The following PCDHGA1 variants were observed in gnomAD, a reference collection of about 807,000 sequenced individuals.
PCDHGA1 encodes protocadherin gamma-A1.
PCDHGA1 carries 32 observed loss-of-function variants against 58.0 expected under a neutral mutation model. That is an observed-to-expected ratio of 0.55 (90% CI 0.42 to 0.74). PCDHGA1 has a LOEUF of 0.74. Among genes scored for constraint, PCDHGA1 ranks in the 30% least tolerant of loss-of-function variants. The pLI is 0.00. For synonymous variants in PCDHGA1, 498 were observed against 501.1 expected (o/e 0.99, Z 0.08); for missense variants, 1,205 against 1,182.3 (o/e 1.02, Z -0.28).
At chr5:141,411,489 T>C (rs1229059443) in intron 1 of PCDHGA1, 1 of 152,090 alleles carries the variant, frequency 6.6e-6, no homozygotes, top group Non-Finnish European at 1.5e-5. Context: ...GAGGCTGAGC[T>C]GGGTGGATTG....
intron 1 of PCDHGA1, chr5:141,378,349 C>T (rs1774833758): frequency 6.6e-6 from 1 of 152,158 alleles, no homozygotes; most frequent in African/African-American, 2.4e-5. Flanking sequence ...ATGGTGAAAC[C>T]CCGTCTCTAC....
chr5:141,383,125 G>A (rs757654723), intron 1 of PCDHGA1: 6 of 1,614,062 alleles, frequency 3.7e-6, no homozygotes, highest in South Asian at 3.3e-5. Context: ...GCAGCTTTTC[G>A]CCCTGAACCA....
rs1167791830 is a variant in PCDHGA1 at position 141,420,032 on chromosome 5, G to A, written c.2422-74775G>A. 6.2e-7 allele frequency: 1 copy of A among 1,613,956 alleles called. No individual in the cohort carries two copies. Among genetic ancestry groups the A allele is most frequent in the Non-Finnish European group, 8.5e-7 (1 of 1,179,920 alleles). ...ACAGTCTTTCAGCCCTACTGCAGGA[G>A]ACTGCTTTGAGTCAGTTCTCTGCTC... On this transcript the variant is annotated intron_variant, in intron 1 of 3. Coordinates refer to ENST00000517417, the MANE Select transcript of PCDHGA1 (RefSeq NM_018912.3).
intron 1 of PCDHGA1, among the ~76,000 whole-genome samples, chr5:141,459,880 C>G (rs1240703946): frequency 6.6e-6 from 1 of 152,134 alleles, no homozygotes; most frequent in Non-Finnish European, 1.5e-5. Context: ...TTTAACTGAG[C>G]TGAACGCCTT....
intron 1 of PCDHGA1, chr5:141,422,258 A>G (rs2096637047): frequency 6.4e-7 from 1 of 1,565,282 alleles, no homozygotes; most frequent in East Asian, 2.2e-5. Flanking sequence ...GTGAATGATA[A>G]CGCTCCAGAA....
At chr5:141,415,810 T>TATATATC in intron 1 of PCDHGA1, 1 of 1,360,418 alleles carries the variant, frequency 7.4e-7, no homozygotes, top group Non-Finnish European at 9.5e-7. Flanking sequence ...AATCAAGGCC[T>TATATATC]ATATATCATA....
rs765263883 is a variant in PCDHGA1 at position 141,491,018 on chromosome 5, C to T, written c.2422-3789C>T. On this transcript the variant is annotated intron_variant, in intron 1 of 3. Coordinates refer to ENST00000517417, the MANE Select transcript of PCDHGA1 (RefSeq NM_018912.3). This position sits in a 1 kb window ranked among gnomAD's most constrained non-coding sequence, Gnocchi z 6.9. The stretch of plus-strand genomic sequence containing the variant: ...CCTGGCTCCTTGGTCACCAAGGTGA[C>T]AGCCGTGGATGCTGATGCAGGCCAC... 1.2e-6 allele frequency: 2 copies of T among 1,614,146 alleles called. No individual in the cohort carries two copies. The highest frequency in any genetic ancestry group is 1.7e-6 in the Non-Finnish European group (2 of 1,180,042).
Position 141,415,348 on chromosome 5 carries a change from A to G in PCDHGA1, c.2422-79459A>G, listed in dbSNP as rs561851810. ...GGCGCACAGGCTGCGGCGCTGGCAC[A>G]AGTCACGCCTGCTGCAGGCTTCAGG... On this transcript the variant is annotated intron_variant, in intron 1 of 3. Transcript: ENST00000517417. The G allele has an allele frequency of 3.1e-6, 5 of 1,614,222 alleles. 1 individual carries two copies. The highest frequency in any genetic ancestry group is 1.6e-4 in the Middle Eastern group (1 of 6,062).
At chr5:141,371,090 C>T (rs764906419) in intron 1 of PCDHGA1, 1 of 1,613,820 alleles carries the variant, frequency 6.2e-7, no homozygotes, top group Admixed American at 1.7e-5. Flanking sequence ...GGGTAATTGT[C>T]GCAGATGCAA....
At position 141,447,890 on chromosome 5, in the gene PCDHGA1, A is replaced by AC. The variant is rs1252174829; in HGVS notation, c.2422-46917_2422-46916insC. On this transcript the variant is annotated intron_variant, in intron 1 of 3. Transcript: ENST00000517417. ...CATCTGAGGTCAGGAGTTCGAGACCAGCCTGGCCAACATGGTGAAACTCTG... is the reference window on the plus strand; with the variant it reads ...CATCTGAGGTCAGGAGTTCGAGACCACGCCTGGCCAACATGGTGAAACTCTG... 1.3e-5 allele frequency among the ~76,000 whole-genome samples: 2 copies of AC among 152,146 alleles called. 1 individual carries two copies. The highest frequency in any genetic ancestry group is 4.8e-5 in the African/African-American group (2 of 41,434).
At chr5:141,453,058 G>C (rs2098754889) in intron 1 of PCDHGA1, among the ~76,000 whole-genome samples, 2 of 152,076 alleles carry the variant, frequency 1.3e-5, no homozygotes, top group Admixed American at 1.3e-4. Flanking sequence ...TGCAGTTTTA[G>C]AGTTTTGCCA....
In PCDHGA1 at chr5:141,476,238, G is replaced by A; in HGVS notation, c.2422-18569G>A. The A allele has an allele frequency of 1.2e-6, 2 of 1,614,098 alleles. No individual in the cohort carries two copies. ...ATTCACTATGAGATCCCGGAGGAAAGAGAGAAGGGTTTCGCTGTGGGCAAC... is the reference window on the plus strand; with the variant it reads ...ATTCACTATGAGATCCCGGAGGAAAAAGAGAAGGGTTTCGCTGTGGGCAAC... On this transcript the variant is annotated intron_variant, in intron 1 of 3. Coordinates refer to ENST00000517417, the MANE Select transcript of PCDHGA1 (RefSeq NM_018912.3). The surrounding 1 kb of genome is among the most constrained non-coding windows in gnomAD (Gnocchi z 7.6).
At chr5:141,375,761 C>A in intron 1 of PCDHGA1, 1 of 1,614,236 alleles carries the variant, frequency 6.2e-7, no homozygotes, top group Non-Finnish European at 8.5e-7. Flanking sequence ...TGACAATGCG[C>A]CCGAGATCCT....
At chr5:141,353,976 C>T (rs942442773) in intron 1 of PCDHGA1, among the ~76,000 whole-genome samples, 6 of 152,192 alleles carry the variant, frequency 3.9e-5, no homozygotes, top group African/African-American at 1.4e-4. Context: ...TGATGTACTG[C>T]TTTATCTCAA....
intron 1 of PCDHGA1, among the ~76,000 whole-genome samples, chr5:141,467,372 T>C (rs1006663543): frequency 2.0e-5 from 3 of 152,072 alleles, no homozygotes; most frequent in African/African-American, 7.2e-5. Flanking sequence ...TTTTCTTATA[T>C]TGCATTTAGG....
Position 141,393,951 on chromosome 5 carries a change from G to A in PCDHGA1, c.2421+60846G>A, listed in dbSNP as rs778713382. The A allele has an allele frequency of 6.4e-5, 104 of 1,613,726 alleles. No homozygotes were observed. The highest frequency in any genetic ancestry group is 1.6e-4 in the Middle Eastern group (1 of 6,084). ...GCATGACCAAGACTCTGGAAAGAAT[G>A]GTCAAGTTGTCTGTTACACACGTGA... On this transcript the variant is annotated intron_variant, in intron 1 of 3. Transcript: ENST00000517417.
intron 1 of PCDHGA1, among the ~76,000 whole-genome samples, chr5:141,482,800 G>C (rs10052648): frequency 0.023 from 2,992 of 130,874 alleles, 96 homozygotes; most frequent in African/African-American, 0.087. Context: ...GGCCGGGTAC[G>C]GTGGCTCATG....
intron 1 of PCDHGA1, chr5:141,393,367 G>C: frequency 1.2e-6 from 2 of 1,613,962 alleles, no homozygotes; most frequent in Middle Eastern, 1.6e-4. Context: ...GTGCAGACTG[G>C]AGACAATGGA....
chr5:141,395,716 T>C (rs2093303538), intron 1 of PCDHGA1: 1 of 154,332 alleles, frequency 6.5e-6, no homozygotes, highest in Non-Finnish European at 1.4e-5. Context: ...AACTAGGCTC[T>C]TGTAGATTTC....
Sources: gnomAD v4.1 joint callset for allele counts (sites outside exome capture counted in the v4.1 genomes callset) on GRCh38, gnomAD v4.1.1 for gene constraint, Gnocchi (gnomAD v3.1) non-coding constraint, MANE v1.5 for transcripts, NCBI Gene and HGNC (gene_info 2026-07-23, HGNC 2026-07-21) for gene names.